FOXP1: variants seen among roughly 807,000 people sequenced by gnomAD.
The protein encoded by FOXP1 is forkhead box protein P1.
A neutral mutation model predicts 98.2 loss-of-function variants in FOXP1; 15 were observed. The ratio of observed to expected loss-of-function variants is 0.15; its 90% CI spans 0.10 to 0.24. The LOEUF (loss-of-function observed/expected upper bound fraction) is 0.24, where lower values mean the gene tolerates loss of function less well. Among genes scored for constraint, FOXP1 ranks in the 10% least tolerant of loss-of-function variants. The probability of loss-of-function intolerance (pLI) is 1.00; values close to 1 mark genes in which losing one functional copy is unlikely to be tolerated. For synonymous variants in FOXP1, 371 were observed against 314.5 expected (o/e 1.18, Z -1.90); for missense variants, 633 against 848.5 (o/e 0.75, Z 3.15).
intron 2 of FOXP1, 188 bp downstream of exon 2, chr3:71,581,361 G>A: frequency 1.0e-6 from 1 of 985,436 alleles, no homozygotes; most frequent in Non-Finnish European, 1.2e-6. Flanking sequence ...AGGGGAAAAG[G>A]GTGGAGGGGA....
chr3:71,276,695 G>A (rs1417341898), intron 5 of FOXP1, among the ~76,000 whole-genome samples: 1 of 152,126 alleles, frequency 6.6e-6, no homozygotes, highest in African/African-American at 2.4e-5. Context: ...AATGCACAGT[G>A]ACCACGTAAG....
chr3:71,247,428 C>T (rs11720738), intron 5 of FOXP1, among the ~76,000 whole-genome samples: 16,755 of 152,090 alleles, frequency 0.11, 1,012 homozygotes, highest in South Asian at 0.27. Flanking sequence ...TTACGGAATG[C>T]CATTGATTGT....
At chr3:71,345,050 A>T (rs1352955585) in intron 4 of FOXP1, among the ~76,000 whole-genome samples, 1 of 152,126 alleles carries the variant, frequency 6.6e-6, no homozygotes, top group Non-Finnish European at 1.5e-5. Context: ...AATCAAAGAA[A>T]ATATTTGGGG....
chr3:71,182,052 G>C (rs9839687), intron 6 of FOXP1, among the ~76,000 whole-genome samples: 1 of 95,960 alleles, frequency 1.0e-5, no homozygotes, highest in Non-Finnish European at 2.1e-5. Context: ...AGAAAAAAAA[G>C]AAAAAAAAAG....
rs1472345650 is a variant in FOXP1, at chr3:70,956,811, AAGC to A, written c.*2433_*2435del. 1 of 185,444 alleles carries A rather than the reference AAGC, an allele frequency of 5.4e-6. No homozygotes were observed. The highest frequency in any genetic ancestry group is 2.6e-5 in the African/African-American group (1 of 38,270). 11.5% of individuals were successfully genotyped at this position (185,444 alleles called of 1,614,324 possible). A position where few individuals can be genotyped will look rare whatever the true frequency, so the allele number is the denominator to read the frequency against. ...GACCACAGACTGCCCTTTATACAGA[AAGC>A]AGAGTGAAGCTTCAAAAGTAACTGC... On this transcript the variant is annotated 3_prime_UTR_variant, in exon 21 of 21. Transcript: ENST00000649528.
chr3:71,373,054 G>A (rs867366260), intron 3 of FOXP1, among the ~76,000 whole-genome samples: 2 of 152,160 alleles, frequency 1.3e-5, no homozygotes, highest in South Asian at 2.1e-4. Flanking sequence ...AAAATTGTCT[G>A]CACGCTGAGC....
intron 3 of FOXP1, among the ~76,000 whole-genome samples, chr3:71,458,512 T>C (rs1346049937): frequency 6.6e-6 from 1 of 152,212 alleles, no homozygotes; most frequent in Non-Finnish European, 1.5e-5. Flanking sequence ...GAAAGTGTAA[T>C]ATCCCTGTGC....
chr3:70,960,062 G>A (rs1295663250), intron 20 of FOXP1, among the ~76,000 whole-genome samples: 2 of 152,160 alleles, frequency 1.3e-5, no homozygotes, highest in South Asian at 2.1e-4. Flanking sequence ...TAGTTAACAT[G>A]CAGAACCTGT....
intron 3 of FOXP1, among the ~76,000 whole-genome samples, chr3:71,392,610 C>G (rs955752578): frequency 1.3e-5 from 2 of 152,198 alleles, no homozygotes; most frequent in Admixed American, 6.5e-5. Context: ...ACCTGTTTAA[C>G]TAGGAACAAC....
intron 12 of FOXP1, among the ~76,000 whole-genome samples, chr3:71,014,168 C>T (rs1472087809): frequency 6.6e-6 from 1 of 152,138 alleles, no homozygotes; most frequent in Non-Finnish European, 1.5e-5. Flanking sequence ...TCTAATTAAA[C>T]TAAAAAGCTT....
intron 5 of FOXP1, among the ~76,000 whole-genome samples, chr3:71,207,774 T>C (rs1056208462): frequency 1.3e-5 from 2 of 152,112 alleles, no homozygotes; most frequent in African/African-American, 4.8e-5. Flanking sequence ...AGCTGAGAGT[T>C]TTCTCTACTG....
At chr3:71,176,333 T>A (rs1162305870) in intron 6 of FOXP1, among the ~76,000 whole-genome samples, 3 of 152,152 alleles carry the variant, frequency 2.0e-5, no homozygotes, top group Non-Finnish European at 4.4e-5. Flanking sequence ...AAATACCAGT[T>A]GCAACCACCA....
At chr3:71,022,764 A>C (rs1321576500) in intron 11 of FOXP1, among the ~76,000 whole-genome samples, 1 of 152,296 alleles carries the variant, frequency 6.6e-6, no homozygotes, top group African/African-American at 2.4e-5. Context: ...AGAGAATCAC[A>C]CAAGAGCTCC....
intron 3 of FOXP1, among the ~76,000 whole-genome samples, chr3:71,477,581 A>G (rs1425899337): frequency 2.0e-5 from 3 of 152,240 alleles, no homozygotes; most frequent in Non-Finnish European, 4.4e-5. Flanking sequence ...ATAAAACCAT[A>G]CAACATAGAG....
intron 7 of FOXP1, among the ~76,000 whole-genome samples, chr3:71,094,278 CTTTTTTTT>C (rs1180804992): frequency 7.8e-6 from 1 of 127,824 alleles, no homozygotes; most frequent in East Asian, 2.2e-4. Flanking sequence ...TTTTTCTTTT[CTTTTTTTT>C]TTTTTTTTTT....
intron 14 of FOXP1, among the ~76,000 whole-genome samples, chr3:70,979,826 T>C (rs72961944): frequency 0.083 from 12,431 of 150,320 alleles, 1,244 homozygotes; most frequent in African/African-American, 0.23. Context: ...CTCTAATATG[T>C]TTCAGGAGAG....
rs954947880 is a variant in FOXP1, at chr3:71,180,904, C to T, written c.180+17298G>A. 7.2e-5 allele frequency among the ~76,000 whole-genome samples: 11 copies of T among 152,104 alleles called. No homozygotes were observed. In the South Asian group the frequency reaches 1.0e-3, roughly 14 times the overall value. On this transcript the variant is annotated intron_variant, in intron 6 of 20. Coordinates refer to ENST00000649528, the MANE Select transcript of FOXP1 (RefSeq NM_001349338.3). Reference sequence around the variant, plus strand: ...TTTGTGTGTGGGGCCCCTTCAGTAACGTTGCTAGTAGGTATGGTGGAGAAA... The same window carrying T: ...TTTGTGTGTGGGGCCCCTTCAGTAATGTTGCTAGTAGGTATGGTGGAGAAA...
At chr3:71,305,763 C>A (rs556005551) in intron 4 of FOXP1, 1 of 152,608 alleles carries the variant, frequency 6.6e-6, no homozygotes, top group East Asian at 1.9e-4. Context: ...CAGAAGCTGA[C>A]AACGGCCCAG....
rs533700485 is a variant in FOXP1 at position 71,092,439 on chromosome 3, C to G, written c.282+20097G>C. 1.2e-4 allele frequency among the ~76,000 whole-genome samples: 18 copies of G among 152,028 alleles called. No individual in the cohort carries two copies. In the South Asian group the frequency reaches 3.5e-3, roughly 30 times the overall value. On this transcript the variant is annotated intron_variant, in intron 7 of 20. Coordinates refer to ENST00000649528, the MANE Select transcript of FOXP1 (RefSeq NM_001349338.3). The stretch of plus-strand genomic sequence containing the variant: ...GTGTCTCTAAGAGGGAGGGCAAGTA[C>G]AGAGACCCTTGTGGGACCCTAAAAT...
Sources: gnomAD v4.1 joint callset for allele counts (sites outside exome capture counted in the v4.1 genomes callset) on GRCh38, gnomAD v4.1.1 for gene constraint, MANE v1.5 for transcripts, NCBI Gene and HGNC (gene_info 2026-07-23, HGNC 2026-07-21) for gene names.